The following ELAPOR2 variants were observed in gnomAD, a reference collection of about 807,000 sequenced individuals.
ELAPOR2 encodes endosome/lysosome-associated apoptosis and autophagy regulator family member 2.
In ELAPOR2, 89 loss-of-function variants were observed where a neutral mutation model predicts 120.7. The observed-to-expected ratio is 0.74, with a 90% confidence interval of 0.62 to 0.88. The LOEUF (loss-of-function observed/expected upper bound fraction) is 0.88. ELAPOR2 is among the 40% of genes least tolerant of loss of function. The pLI, the probability that ELAPOR2 is intolerant of heterozygous loss-of-function variation, is 0.00. For missense variants in ELAPOR2, 1,134 were observed against 1,251.6 expected, an observed-to-expected ratio of 0.91 and a Z score of 1.42; for synonymous variants, 444 against 444.9, an observed-to-expected ratio of 1.00 and a Z score of 0.03.
At chr7:87,045,787 A>AT (rs879565579) in intron 1 of ELAPOR2, among the ~76,000 whole-genome samples, 3 of 151,236 alleles carry the variant, frequency 2.0e-5, no homozygotes, top group South Asian at 2.1e-4. Context: ...AAATATATAT[A>AT]AAAAAAGGAA....
chr7:87,010,919 G>C (rs909721121), intron 1 of ELAPOR2, among the ~76,000 whole-genome samples: 1 of 151,820 alleles, frequency 6.6e-6, no homozygotes, highest in East Asian at 1.9e-4. Flanking sequence ...TAAAATAAAG[G>C]CTTTGGAAAA....
At chr7:87,031,098 CACA>C in intron 1 of ELAPOR2, among the ~76,000 whole-genome samples, 1 of 152,124 alleles carries the variant, frequency 6.6e-6, no homozygotes, top group East Asian at 1.9e-4. Flanking sequence ...TGGTCCCTCC[CACA>C]ACATGTGGGA....
At position 86,909,754 on chromosome 7, in the gene ELAPOR2, T is replaced by C. The variant is rs972971883; in HGVS notation, c.2359+58A>G. On this transcript the variant is annotated intron_variant, in intron 16 of 21. Transcript: ENST00000450689. ...AAACACCAATACAATGACAAGTTAT[T>C]CATAGCATAATTTAAGAATAAATGT... The C allele has an allele frequency of 7.0e-5, 96 of 1,373,676 alleles. No homozygotes were observed. In the African/African-American group the frequency reaches 1.2e-3, roughly 17 times the overall value. The allele number at this position is 1,373,676 out of a possible 1,614,324, so 85.1% of individuals were successfully genotyped here. A position where few individuals can be genotyped will look rare whatever the true frequency, so the allele number is the denominator to read the frequency against.
chr7:86,930,923 T>C (rs1790297800), intron 8 of ELAPOR2, among the ~76,000 whole-genome samples: 1 of 151,906 alleles, frequency 6.6e-6, no homozygotes, highest in African/African-American at 2.4e-5. Flanking sequence ...CAGGACAAAG[T>C]ACCATGGGAG....
chr7:87,057,991 T>C (rs146515483), intron 1 of ELAPOR2, among the ~76,000 whole-genome samples: 50 of 152,330 alleles, frequency 3.3e-4, no homozygotes, highest in Middle Eastern at 3.4e-3. Context: ...CCAGGTGATA[T>C]GTAAAGTTGT....
At chr7:87,043,826 GT>G (rs1794860155) in intron 1 of ELAPOR2, among the ~76,000 whole-genome samples, 1 of 151,124 alleles carries the variant, frequency 6.6e-6, no homozygotes, top group Admixed American at 6.6e-5. Flanking sequence ...AATTGTCCCT[GT>G]TTGCAGACGA....
intron 2 of ELAPOR2, among the ~76,000 whole-genome samples, chr7:86,955,939 A>G (rs1307690310): frequency 2.6e-5 from 4 of 151,590 alleles, no homozygotes; most frequent in African/African-American, 7.3e-5. Flanking sequence ...ATAGCATTAG[A>G]AAAGAACTCT....
At chr7:86,942,152 T>C (rs1428349303) in intron 4 of ELAPOR2, 48 bp from the exon 5 acceptor site, 16 of 1,084,220 alleles carry the variant, frequency 1.5e-5, no homozygotes, top group Middle Eastern at 2.0e-4. Flanking sequence ...GAATAACAGC[T>C]TTAATTAAAT....
intron 2 of ELAPOR2, among the ~76,000 whole-genome samples, chr7:86,948,232 A>G (rs1791084795): frequency 6.6e-6 from 1 of 152,118 alleles, no homozygotes; most frequent in East Asian, 1.9e-4. Flanking sequence ...CCTTCTCTAC[A>G]TGGAACACTC....
chr7:86,907,136 T>G (rs977523128), intron 18 of ELAPOR2, among the ~76,000 whole-genome samples: 1 of 152,150 alleles, frequency 6.6e-6, no homozygotes, highest in Non-Finnish European at 1.5e-5. Flanking sequence ...AAGCACATTA[T>G]GTATTTTATA....
intron 1 of ELAPOR2, among the ~76,000 whole-genome samples, chr7:87,043,769 G>T (rs1338506467): frequency 6.6e-6 from 1 of 151,584 alleles, no homozygotes; most frequent in Non-Finnish European, 1.5e-5. Flanking sequence ...GGGCAATCAG[G>T]CAGGAGAAGG....
In ELAPOR2 at chr7:87,030,848, C is replaced by T. The variant is rs1394723907; in HGVS notation, c.189+28477G>A. ...CCCATGGTGTTGATGAAGACATACCCAAGACTGGGTAATTTATAAAGAAAA... is the reference window on the plus strand; with the variant it reads ...CCCATGGTGTTGATGAAGACATACCTAAGACTGGGTAATTTATAAAGAAAA... On this transcript the variant is annotated intron_variant, in intron 1 of 21. Coordinates refer to ENST00000450689, the MANE Select transcript of ELAPOR2 (RefSeq NM_001142749.3). Among the ~76,000 whole-genome samples the T allele has an allele frequency of 2.0e-5, 3 of 152,068 alleles. No individual in the cohort carries two copies. In the East Asian group the frequency reaches 5.8e-4, roughly 29 times the overall value.
At chr7:86,943,863 T>C (rs906957550) in intron 4 of ELAPOR2, among the ~76,000 whole-genome samples, 4 of 152,066 alleles carry the variant, frequency 2.6e-5, no homozygotes, top group African/African-American at 9.7e-5. Flanking sequence ...AGGAGACTCC[T>C]TAAAAGATAT....
At chr7:86,895,381 T>G (rs922248592) in intron 19 of ELAPOR2, among the ~76,000 whole-genome samples, 1 of 152,152 alleles carries the variant, frequency 6.6e-6, no homozygotes, top group Non-Finnish European at 1.5e-5. Context: ...AACTCAGGAA[T>G]GACATTCATA....
intron 18 of ELAPOR2, among the ~76,000 whole-genome samples, chr7:86,901,686 T>C (rs1788733165): frequency 6.6e-6 from 1 of 152,212 alleles, no homozygotes; most frequent in Non-Finnish European, 1.5e-5. Flanking sequence ...AATTTGTCAG[T>C]TGAGTTATCC....
At position 86,877,755 on chromosome 7, in the gene ELAPOR2, A is replaced by T. The variant is rs541741275; in HGVS notation, c.*2716T>A. On this transcript the variant is annotated 3_prime_UTR_variant, in exon 22 of 22. Transcript: ENST00000450689. ...CTGGACCCAAGTAATTCTTCCACAT[A>T]ATCAATTTAAACAACCTTTTTTCTT... is the stretch of plus-strand genomic sequence containing the variant. 1 of 152,154 alleles carries T rather than the reference A, an allele frequency of 6.6e-6. No individual in the cohort carries two copies. Among genetic ancestry groups the T allele is most frequent in the East Asian group, 1.9e-4 (1 of 5,186 alleles). The allele number at this position is 152,154 out of a possible 1,614,324, so 9.4% of individuals were successfully genotyped here.
chr7:87,001,841 A>G (rs1230875509), intron 1 of ELAPOR2, among the ~76,000 whole-genome samples: 1 of 152,178 alleles, frequency 6.6e-6, no homozygotes, highest in Non-Finnish European at 1.5e-5. Flanking sequence ...TGCAAAGCAG[A>G]CTAAATTTAT....
chr7:86,985,826 C>T (rs1407251599), intron 1 of ELAPOR2, among the ~76,000 whole-genome samples: 1 of 151,606 alleles, frequency 6.6e-6, no homozygotes, highest in South Asian at 2.1e-4. Flanking sequence ...CCTGCCCCCA[C>T]CCCACAACAG....
At chr7:86,957,174 T>C (rs970362594) in intron 2 of ELAPOR2, among the ~76,000 whole-genome samples, 1 of 152,244 alleles carries the variant, frequency 6.6e-6, no homozygotes, top group African/African-American at 2.4e-5. Context: ...CTATCACTTG[T>C]GTGTTACAGA....
Sources: gnomAD v4.1 joint callset for allele counts (sites outside exome capture counted in the v4.1 genomes callset) on GRCh38, gnomAD v4.1.1 for gene constraint, MANE v1.5 for transcripts, NCBI Gene and HGNC (gene_info 2026-07-23, HGNC 2026-07-21) for gene names.